HPS1: variants seen among roughly 807,000 people sequenced by gnomAD.
HPS1 encodes HPS1 biogenesis of lysosomal organelles complex 3 subunit 1, also known as BLOC-3 complex member HPS1.
Under a neutral mutation model 90.6 loss-of-function variants are expected in HPS1, and 59 were observed. That is an observed-to-expected ratio of 0.65 (90% CI 0.53 to 0.81). HPS1 has a LOEUF of 0.81. Among genes scored for constraint, HPS1 ranks in the 30% least tolerant of loss-of-function variants. The pLI, the probability that HPS1 is intolerant of heterozygous loss-of-function variation, is 0.00. For synonymous variants in HPS1, 388 were observed against 384.4 expected, an observed-to-expected ratio of 1.01 and a Z score of -0.11; for missense variants, 849 against 896.7, an observed-to-expected ratio of 0.95 and a Z score of 0.68.
rs1846158787 is a variant in HPS1 at position 98,429,844 on chromosome 10, G to A, written c.814C>T (p.Gln272Ter). Residue 272 changes from glutamine to a stop codon, truncating the protein, a stop_gained, in exon 9 of 20, where the codon CAG becomes TAG. Transcript: ENST00000361490. LOFTEE classifies it high-confidence loss of function. Reference sequence around the variant, plus strand: ...CCCGTGGAGTGAGGGCTCCAGGCCTGCTGCACGGGGATGTTCTGGCTGCTC... The same window carrying A: ...CCCGTGGAGTGAGGGCTCCAGGCCTACTGCACGGGGATGTTCTGGCTGCTC... ...ARSSQNIPVQ[Q>*]AWSPHSTGPT... 7.4e-6 allele frequency: 12 copies of A among 1,613,406 alleles called. No individual in the cohort carries two copies. The highest frequency in any genetic ancestry group is 2.7e-5 in the African/African-American group (2 of 74,944).
rs1206308185 is a variant in HPS1 at position 98,445,166 on chromosome 10, G to A, written c.-1+134C>T. The A allele has an allele frequency of 6.6e-6, 1 of 152,528 alleles. No homozygotes were observed. Among genetic ancestry groups the A allele is most frequent in the East Asian group, 1.9e-4 (1 of 5,198 alleles). The allele number at this position is 152,528 out of a possible 1,614,324, so 9.4% of individuals were successfully genotyped here. A position where few individuals can be genotyped will look rare whatever the true frequency, so the allele number is the denominator to read the frequency against. On this transcript the variant is annotated intron_variant, in intron 2 of 19. Transcript: ENST00000361490. The surrounding 1 kb of genome is among the most constrained non-coding windows in gnomAD (Gnocchi z 4.5). Reference sequence around the variant, plus strand: ...GGGGTGGCCTCAGGATGCAGGGCTGGGGAGGGGATGAGCAGGTGTGCAGAG... The same window carrying A: ...GGGGTGGCCTCAGGATGCAGGGCTGAGGAGGGGATGAGCAGGTGTGCAGAG...
Position 98,435,061 on chromosome 10 carries a change from G to A in HPS1, c.398+211C>T, listed in dbSNP as rs1450309461. On this transcript the variant is annotated intron_variant, in intron 5 of 19. Coordinates refer to ENST00000361490, the MANE Select transcript of HPS1 (RefSeq NM_000195.5). The surrounding 1 kb of genome is among the most constrained non-coding windows in gnomAD (Gnocchi z 4.3). ...ACCAGCTAGATGACCCCAGGCAAGT[G>A]AGTTCCATTCTCTGCTCTGTTTCAC... The A allele has an allele frequency of 5.0e-6, 3 of 601,706 alleles. No homozygotes were observed. Among genetic ancestry groups the A allele is most frequent in the Admixed American group, 2.8e-5 (1 of 35,274 alleles). The allele number at this position is 601,706 out of a possible 1,614,324, so 37.3% of individuals were successfully genotyped here. A position where few individuals can be genotyped will look rare whatever the true frequency, so the allele number is the denominator to read the frequency against.
In HPS1 at chr10:98,420,124, AG is replaced by A. The variant is rs1330094451; in HGVS notation, c.1777del (p.Leu593CysfsTer33). Reference sequence around the variant, plus strand: ...CAGCAGCGTGGTGTAGCCCTTCTGCAGGTATCTGCGCGCCAGCTGGATCAGA... The same window carrying A: ...CAGCAGCGTGGTGTAGCCCTTCTGCAGTATCTGCGCGCCAGCTGGATCAGA... ...WSLIQLARRY[L>X]QKGYTTLLFQ... On this transcript the variant is annotated frameshift_variant, in exon 18 of 20. Transcript: ENST00000361490. LOFTEE classifies it high-confidence loss of function. 16 of 1,613,876 alleles carry A rather than the reference AG, an allele frequency of 9.9e-6. No individual in the cohort carries two copies. The highest frequency in any genetic ancestry group is 1.4e-5 in the Non-Finnish European group (16 of 1,179,866).
At chr10:98,427,342 G>A (rs1423000146) in intron 10 of HPS1, 78 bp from the exon 11 acceptor site, 3 of 1,251,564 alleles carry the variant, frequency 2.4e-6, no homozygotes, top group Non-Finnish European at 3.4e-6. Flanking sequence ...GGGGTAGGGG[G>A]CCCAGGTGCC....
At position 98,417,601 on chromosome 10, in the gene HPS1, C is replaced by T. The variant is rs147125175; in HGVS notation, c.2066G>A (p.Arg689Gln). 1.6e-4 allele frequency: 260 copies of T among 1,612,166 alleles called. No individual in the cohort carries two copies. The highest frequency in any genetic ancestry group is 1.9e-4 in the Non-Finnish European group (228 of 1,179,610). Residue 689 changes from arginine (R) to glutamine (Q), a missense_variant, in exon 20 of 20, where the codon CGG (arginine) becomes CAG (glutamine). Transcript: ENST00000361490. The surrounding 1 kb of genome is among the most constrained non-coding windows in gnomAD (Gnocchi z 4.2). The stretch of plus-strand genomic sequence containing the variant: ...GATACGGGAGGCCTCCCAGAGGCGC[C>T]GGGCCAGCTGGCCGGCCTGCTGCAC... ...LLVQQAGQLA[R>Q]RLWEASRIPL...
At chr10:98,429,249 G>C in intron 10 of HPS1, 2 of 1,148,108 alleles carry the variant, frequency 1.7e-6, no homozygotes, top group Non-Finnish European at 2.2e-6. Flanking sequence ...GAAATTAGAT[G>C]ATTATTACTA....
chr10:98,418,202 A>T lies in HPS1; in HGVS notation c.1913T>A (p.Ile638Asn). 1 of 1,609,974 alleles carries T rather than the reference A, an allele frequency of 6.2e-7. No homozygotes were observed. The highest frequency in any genetic ancestry group is 2.2e-5 in the East Asian group (1 of 44,784). Residue 638 changes from isoleucine to asparagine, a missense_variant, in exon 19 of 20, where the codon ATC becomes AAC. By Grantham distance (149) the Ile-to-Asn change is moderately radical (BLOSUM62 -3). Transcript: ENST00000361490. ...VPVLSDDSVP[I>N]GMLGGDYYRK... ...GTAGTAGTCTCCTCCCAGCATGCCG[A>T]TAGGCACTGAGTCGTCGGAGAGGAC...
intron 5 of HPS1, among the ~76,000 whole-genome samples, chr10:98,434,347 T>C (rs1846985096): frequency 6.6e-6 from 1 of 151,598 alleles, no homozygotes; most frequent in South Asian, 2.1e-4. Context: ...ACACATGTCA[T>C]ACAAAGCCAG....
Position 98,425,875 on chromosome 10 carries a change from G to A in HPS1, c.1098C>T (p.Pro366=), listed in dbSNP as rs1564839377. The change falls in exon 12 of 20, where the codon CCC becomes CCT. Residue 366 remains proline, a synonymous_variant. Coordinates refer to ENST00000361490, the MANE Select transcript of HPS1 (RefSeq NM_000195.5). ...NVKESYCPLV[P]HTMYCLPLWQ... ...ACAGGGGCAGGCAGTACATGGTGTG[G>A]GGCACTAGGGGGCAGTAGCTTTCCT... The A allele has an allele frequency of 6.2e-7, 1 of 1,614,154 alleles. No individual in the cohort carries two copies. The highest frequency in any genetic ancestry group is 2.2e-5 in the East Asian group (1 of 44,862).
At chr10:98,433,807 G>A in intron 6 of HPS1, 176 bp downstream of exon 6, 1 of 810,932 alleles carries the variant, frequency 1.2e-6, no homozygotes, top group Middle Eastern at 2.3e-4. Context: ...CCATGGGAAA[G>A]CCCATCAGGG....
At position 98,429,319 on chromosome 10, in the gene HPS1, G is replaced by C. The variant is rs12242431; in HGVS notation, c.937+254C>G. Reference sequence around the variant, plus strand: ...AGATGAGTCTGAGAATGCATGTACAGAAGTTTTAAATGAATCAACTTGTCA... The same window carrying C: ...AGATGAGTCTGAGAATGCATGTACACAAGTTTTAAATGAATCAACTTGTCA... On this transcript the variant is annotated intron_variant, in intron 10 of 19. Transcript: ENST00000361490. 162,175 of 1,416,682 alleles carry C rather than the reference G, an allele frequency of 0.11. 11,400 individuals are homozygous for C. Among genetic ancestry groups the C allele is most frequent in the African/African-American group, 0.32 (22,324 of 69,488 alleles). The allele number at this position is 1,416,682 out of a possible 1,614,324, so 87.8% of individuals were successfully genotyped here. A position where few individuals can be genotyped will look rare whatever the true frequency, so the allele number is the denominator to read the frequency against.
rs200158205 is a variant in HPS1 at position 98,431,735 on chromosome 10, G to GGA, written c.508-446_508-445dup. Among the ~76,000 whole-genome samples, 1,519 of 152,212 alleles carry GGA rather than the reference G, an allele frequency of 1.0e-2. 23 individuals are homozygous for GGA. Among genetic ancestry groups the GGA allele is most frequent in the African/African-American group, 0.035 (1,444 of 41,518 alleles). ...TGCATATTCAGAGGCCATGAGATGG[G>GGA]GACAGAGTTTGCAATGGTGCTGTCC... On this transcript the variant is annotated intron_variant, in intron 6 of 19. Transcript: ENST00000361490.
At chr10:98,440,362 T>C (rs1938198606) in intron 3 of HPS1, among the ~76,000 whole-genome samples, 1 of 152,176 alleles carries the variant, frequency 6.6e-6, no homozygotes, top group Admixed American at 6.5e-5. Flanking sequence ...GCAAGAGTGA[T>C]ATAGCAAATT....
At chr10:98,438,019 TGC>T (rs1196562971) in intron 3 of HPS1, among the ~76,000 whole-genome samples, 2 of 152,234 alleles carry the variant, frequency 1.3e-5, no homozygotes, top group Admixed American at 6.5e-5. Context: ...TTCTTCCTGC[TGC>T]CTTGCGAAGA....
Position 98,418,206 on chromosome 10 carries a change from G to T in HPS1, c.1909C>A (p.Pro637Thr). The T allele has an allele frequency of 6.2e-7, 1 of 1,610,504 alleles. No individual in the cohort carries two copies. The highest frequency in any genetic ancestry group is 8.5e-7 in the Non-Finnish European group (1 of 1,177,626). ...TAGTCTCCTCCCAGCATGCCGATAG[G>T]CACTGAGTCGTCGGAGAGGACGGGC... The part of the protein sequence containing the change: ...EVPVLSDDSV[P>T]IGMLGGDYYR... The change falls in exon 19 of 20, where the codon CCT (proline) becomes ACT (threonine). Residue 637 changes from proline (P) to threonine (T), a missense_variant. Physicochemically the swap from Pro to Thr is conservative, Grantham distance 38 (BLOSUM62 -1). Coordinates refer to ENST00000361490, the MANE Select transcript of HPS1 (RefSeq NM_000195.5).
chr10:98,437,659 T>C (rs1448940122), intron 3 of HPS1, among the ~76,000 whole-genome samples: 1 of 152,264 alleles, frequency 6.6e-6, no homozygotes, highest in African/African-American at 2.4e-5. Flanking sequence ...CATCTAGGTT[T>C]GTGTAAGCAC....
At chr10:98,429,754 C>T (rs1846132157) in intron 9 of HPS1, 37 bp downstream of exon 9, 2 of 1,613,456 alleles carry the variant, frequency 1.2e-6, no homozygotes, top group African/African-American at 1.3e-5. Context: ...GGCCGATCCC[C>T]TCCTGCCCCT....
At chr10:98,443,456 G>A (rs564240321) in intron 2 of HPS1, among the ~76,000 whole-genome samples, 8 of 152,356 alleles carry the variant, frequency 5.3e-5, no homozygotes, top group African/African-American at 1.7e-4. Flanking sequence ...CACAGGCACA[G>A]CCTGAAGTGG....
rs146986229 is a variant in HPS1 at position 98,434,686 on chromosome 10, G to A, written c.398+586C>T. Among the ~76,000 whole-genome samples, 440 of 152,046 alleles carry A rather than the reference G, an allele frequency of 2.9e-3. 1 individual carries two copies. Among genetic ancestry groups the A allele is most frequent in the African/African-American group, 0.01 (417 of 41,450 alleles). On this transcript the variant is annotated intron_variant, in intron 5 of 19. Transcript: ENST00000361490. ...TTCCCAATCCATCTTAGAGAATCAGGGGGTGGTGATACTACGAACTTCTCT... is the reference window on the plus strand; with the variant it reads ...TTCCCAATCCATCTTAGAGAATCAGAGGGTGGTGATACTACGAACTTCTCT...
Sources: gnomAD v4.1 joint callset for allele counts (sites outside exome capture counted in the v4.1 genomes callset) on GRCh38, gnomAD v4.1.1 for gene constraint, Gnocchi (gnomAD v3.1) non-coding constraint, MANE v1.5 for transcripts, NCBI Gene and HGNC (gene_info 2026-07-23, HGNC 2026-07-21) for gene names.